The following ARHGEF40 variants were observed in gnomAD, a reference collection of about 807,000 sequenced individuals.
ARHGEF40 encodes the protein Rho guanine nucleotide exchange factor (GEF) 40.
In ARHGEF40, 98 loss-of-function variants were observed where a neutral mutation model predicts 165.9. The observed-to-expected ratio is 0.59, with a 90% CI of 0.50 to 0.70. The LOEUF is 0.70. Ranked by LOEUF, ARHGEF40 falls within the 30% of genes least tolerant of loss-of-function variation. The pLI is 0.00. For synonymous variants in ARHGEF40, 792 were observed against 814.3 expected (o/e 0.97, Z 0.47); for missense variants, 1,815 against 1,968.0 (o/e 0.92, Z 1.47).
chr14:21,086,763 C>A (rs564678722), intron 19 of ARHGEF40: 23 of 471,920 alleles, frequency 4.9e-5, no homozygotes, highest in South Asian at 4.6e-4. Flanking sequence ...GCCAAACAGC[C>A]AGGATGCAAC....
chr14:21,083,016 A>G (rs1888048783), intron 16 of ARHGEF40, 99 bp downstream of exon 16: 2 of 1,017,710 alleles, frequency 2.0e-6, no homozygotes, highest in Non-Finnish European at 3.0e-6. Context: ...GGATATGCCC[A>G]GGAACATCAC....
In ARHGEF40 at chr14:21,074,723, G is replaced by A. The variant is rs1887263534; in HGVS notation, c.993G>A (p.Leu331=). ...GAEAVPEAAV[L]EVSEPPAEAV... is the part of the protein sequence containing the mutation. ...AGGCTGTCCCAGAGGCAGCAGTCTT[G>A]GAGGTGTCTGAGCCCCCAGCAGAGG... The change falls in exon 3 of 24, where the codon TTG becomes TTA. Residue 331 remains leucine (L), a synonymous_variant. Transcript: ENST00000298694. This position sits in a 1 kb window ranked among gnomAD's most constrained non-coding sequence, Gnocchi z 4.8. The A allele has an allele frequency of 1.2e-6, 2 of 1,602,096 alleles. No homozygotes were observed. The highest frequency in any genetic ancestry group is 1.7e-6 in the Non-Finnish European group (2 of 1,175,268).
intron 5 of ARHGEF40, 121 bp from the exon 6 acceptor site, chr14:21,076,238 CG>C (rs2139222905): frequency 1.2e-6 from 1 of 806,708 alleles, no homozygotes; most frequent in East Asian, 2.7e-5. Flanking sequence ...CCAAATGTAC[CG>C]GCAACTAATT....
At position 21,074,645 on chromosome 14, in the gene ARHGEF40, A is replaced by G. The variant is rs1224391292; in HGVS notation, c.915A>G (p.Pro305=). 6.4e-7 allele frequency: 1 copy of G among 1,565,962 alleles called. No homozygotes were observed. The highest frequency in any genetic ancestry group is 1.2e-5 in the South Asian group (1 of 85,940). ...LGPRGQDGAR[P]PGEGSSTGAS... ...CTCGGGGCCAGGATGGAGCACGCCC[A>G]CCCGGCGAGGGGAGCAGCACCGGAG... The change falls in exon 3 of 24, where the codon CCA becomes CCG. Residue 305 remains proline (P), a synonymous_variant. Coordinates refer to ENST00000298694, the MANE Select transcript of ARHGEF40 (RefSeq NM_018071.5). The surrounding 1 kb of genome is among the most constrained non-coding windows in gnomAD (Gnocchi z 4.8).
At chr14:21,069,921 T>G (rs1356002565), upstream of ARHGEF40, among the ~76,000 whole-genome samples, 1 of 152,124 alleles carries the variant, frequency 6.6e-6, no homozygotes, top group African/African-American at 2.4e-5. Context: ...CCCAAGGGAA[T>G]TCACGCACGC....
At chr14:21,086,525 T>A (rs1888348751) in intron 19 of ARHGEF40, 1 of 153,440 alleles carries the variant, frequency 6.5e-6, no homozygotes, top group Admixed American at 6.5e-5. Flanking sequence ...ATTTTTGTTT[T>A]TTTGCTGGGC....
rs1888432509 is a variant in ARHGEF40, at chr14:21,087,360, G to A, written c.4284G>A (p.Glu1428=). 3 of 1,605,926 alleles carry A rather than the reference G, an allele frequency of 1.9e-6. No homozygotes were observed. Among genetic ancestry groups the A allele is most frequent in the African/African-American group, 2.7e-5 (2 of 74,936 alleles). ...TRASVAVSSF[E]HAGPSLPGLS... ...CCTCCGTGGCCGTGTCATCCTTTGAGCATGCCGGCCCCTCCCTTCCCGGCC... is the reference window on the plus strand; with the variant it reads ...CCTCCGTGGCCGTGTCATCCTTTGAACATGCCGGCCCCTCCCTTCCCGGCC... Residue 1428 remains glutamate, a synonymous_variant, in exon 21 of 24, where the codon GAG becomes GAA. Coordinates refer to ENST00000298694, the MANE Select transcript of ARHGEF40 (RefSeq NM_018071.5).
At chr14:21,062,424 T>C in the ARHGEF40 span, among the ~76,000 whole-genome samples, 11 of 152,182 alleles carry the variant, frequency 7.2e-5, no homozygotes, top group Non-Finnish European at 1.3e-4. Flanking sequence ...AGCATTCTCC[T>C]CCCTCTGCAC....
chr14:21,084,998 T>C (rs1000201074), intron 18 of ARHGEF40, 75 bp downstream of exon 18: 51 of 1,551,608 alleles, frequency 3.3e-5, no homozygotes, highest in Non-Finnish European at 4.1e-5. Flanking sequence ...GTTCTGGAAA[T>C]TCAGCCCCAA....
Position 21,074,332 on chromosome 14 carries a change from T to A in ARHGEF40, c.602T>A (p.Leu201Gln), listed in dbSNP as rs755333467. 6.2e-7 allele frequency: 1 copy of A among 1,614,170 alleles called. No homozygotes were observed. Among genetic ancestry groups the A allele is most frequent in the Non-Finnish European group, 8.5e-7 (1 of 1,180,024 alleles). ...ATGGTTGGACATCAGCCAAGTACAC[T>A]GCCCCCAGAACTGCCCTCTGGACCT... ...GLMVGHQPST[L>Q]PPELPSGPPG... is the part of the protein sequence containing the mutation. Residue 201 changes from leucine to glutamine, a missense_variant, in exon 3 of 24, where the codon CTG (leucine) becomes CAG (glutamine). Leu to Gln is a moderately radical substitution (Grantham distance 113, BLOSUM62 -2). Coordinates refer to ENST00000298694, the MANE Select transcript of ARHGEF40 (RefSeq NM_018071.5). This position sits in a 1 kb window ranked among gnomAD's most constrained non-coding sequence, Gnocchi z 4.8.
At chr14:21,063,072 G>C in the ARHGEF40 span, among the ~76,000 whole-genome samples, 1 of 151,958 alleles carries the variant, frequency 6.6e-6, no homozygotes, top group Non-Finnish European at 1.5e-5. Flanking sequence ...GGTGGTTGCA[G>C]TCAGCTGAGA....
intron 18 of ARHGEF40, 97 bp from the exon 19 acceptor site, chr14:21,085,592 A>G (rs1343674229): frequency 2.1e-6 from 3 of 1,405,026 alleles, no homozygotes. Context: ...TTTACTGAAC[A>G]TCTATCAGAT....
chr14:21,080,851 G>A, intron 12 of ARHGEF40, 22 bp from the exon 13 acceptor site: 1 of 1,611,494 alleles, frequency 6.2e-7, no homozygotes, highest in Non-Finnish European at 8.5e-7. Context: ...GACCAGGTCT[G>A]AGCGCAGCCT....
rs1451633292 is a variant in ARHGEF40, at chr14:21,070,447, C to A, written c.3+48C>A. Reference sequence around the variant, plus strand: ...CTGGGTCCCCTCGGCCTTCGCGCAGCCCGCTCCGGGCCCCCAAGTCCTCAG... The same window carrying A: ...CTGGGTCCCCTCGGCCTTCGCGCAGACCGCTCCGGGCCCCCAAGTCCTCAG... On this transcript the variant is annotated intron_variant, in intron 1 of 23. Coordinates refer to ENST00000298694, the MANE Select transcript of ARHGEF40 (RefSeq NM_018071.5). The surrounding 1 kb of genome is among the most constrained non-coding windows in gnomAD (Gnocchi z 4.7). The A allele has an allele frequency of 7.3e-7, 1 of 1,361,654 alleles. No homozygotes were observed. The highest frequency in any genetic ancestry group is 9.4e-7 in the Non-Finnish European group (1 of 1,063,738). 84.3% of individuals were successfully genotyped at this position (1,361,654 alleles called of 1,614,324 possible).
At position 21,078,246 on chromosome 14, in the gene ARHGEF40, G is replaced by C. The variant is rs1286359124; in HGVS notation, c.2104G>C (p.Glu702Gln). Residue 702 changes from glutamate to glutamine, a missense_variant, in exon 9 of 24, where the codon GAG becomes CAG. Glu to Gln is a conservative substitution (Grantham distance 29). Coordinates refer to ENST00000298694, the MANE Select transcript of ARHGEF40 (RefSeq NM_018071.5). ...GSVRQAIEELEGAAEPEEEEA... is the reference protein window; with the variant it reads ...GSVRQAIEELQGAAEPEEEEA... Reference sequence around the variant, plus strand: ...GGTACGGCAGGCCATTGAGGAGCTGGAGGGAGCAGCAGAGCCAGAGGAAGA... The same window carrying C: ...GGTACGGCAGGCCATTGAGGAGCTGCAGGGAGCAGCAGAGCCAGAGGAAGA... 2 of 1,614,102 alleles carry C rather than the reference G, an allele frequency of 1.2e-6. No individual in the cohort carries two copies. Among genetic ancestry groups the C allele is most frequent in the African/African-American group, 1.3e-5 (1 of 75,064 alleles).
At position 21,081,790 on chromosome 14, in the gene ARHGEF40, C is replaced by A. The variant is rs746383367; in HGVS notation, c.2922C>A (p.Ser974Arg). 1 of 1,598,724 alleles carries A rather than the reference C, an allele frequency of 6.3e-7. No homozygotes were observed. The highest frequency in any genetic ancestry group is 8.5e-7 in the Non-Finnish European group (1 of 1,173,866). ...GACGACGGCGGGCAGACGGTGCCAG[C>A]AGTGGAGGGGCCCAGTGGGGGCCCC... is the stretch of plus-strand genomic sequence containing the variant. Reference protein sequence around the residue: ...GYRRRRADGASSGGAQWGPRS... With the variant: ...GYRRRRADGARSGGAQWGPRS... The change falls in exon 14 of 24, where the codon AGC becomes AGA. Residue 974 changes from serine (S) to arginine (R), a missense_variant. Transcript: ENST00000298694.
intron 8 of ARHGEF40, 74 bp from the exon 9 acceptor site, chr14:21,078,103 C>A: frequency 7.2e-7 from 1 of 1,379,836 alleles, no homozygotes; most frequent in South Asian, 1.4e-5. Context: ...CTGGGGCTAC[C>A]GCACCCCAAC....
Position 21,072,971 on chromosome 14 carries a change from C to A in ARHGEF40, c.4-74C>A. The A allele has an allele frequency of 6.8e-7, 1 of 1,481,036 alleles. No individual in the cohort carries two copies. 91.7% of individuals were successfully genotyped at this position (1,481,036 alleles called of 1,614,324 possible). A position where few individuals can be genotyped will look rare whatever the true frequency, so the allele number is the denominator to read the frequency against. On this transcript the variant is annotated intron_variant, in intron 1 of 23. Transcript: ENST00000298694. This position sits in a 1 kb window ranked among gnomAD's most constrained non-coding sequence, Gnocchi z 4.1. ...GGGCTTTGGAGAACACAGCCAACCC[C>A]AGACCAGTGCAGCTCCCAAGGAGCC...
In ARHGEF40 at chr14:21,074,038, G is replaced by A; in HGVS notation, c.308G>A (p.Gly103Glu). The change falls in exon 3 of 24, where the codon GGA becomes GAA. Residue 103 changes from glycine (G) to glutamate (E), a missense_variant. By Grantham distance (98) the Gly-to-Glu change is moderately conservative. Coordinates refer to ENST00000298694, the MANE Select transcript of ARHGEF40 (RefSeq NM_018071.5). The surrounding 1 kb of genome is among the most constrained non-coding windows in gnomAD (Gnocchi z 4.8). ...CTACCCTGGCAACTGCTGCGCCCAG[G>A]AGACTTCTATCTGCAGGTGGTGCCC... The part of the protein sequence containing the change: ...AALPWQLLRP[G>E]DFYLQVVPSA... 1 of 1,614,096 alleles carries A rather than the reference G, an allele frequency of 6.2e-7. No individual in the cohort carries two copies. The highest frequency in any genetic ancestry group is 1.1e-5 in the South Asian group (1 of 91,086).
Sources: allele counts gnomAD v4.1 joint callset (sites outside exome capture counted in the v4.1 genomes callset), GRCh38; gene constraint gnomAD v4.1.1; non-coding constraint Gnocchi (gnomAD v3.1); transcripts MANE v1.5; gene names NCBI Gene and HGNC (gene_info 2026-07-23, HGNC 2026-07-21).